Variants in CA10 observed in about 807,000 individuals in gnomAD.
CA10 encodes carbonic anhydrase-related protein 10.
A neutral mutation model predicts 44.2 loss-of-function variants in CA10; 14 were observed. The observed-to-expected ratio is 0.32, with a 90% CI of 0.21 to 0.50. The LOEUF (loss-of-function observed/expected upper bound fraction) is 0.50, where lower values mean the gene tolerates loss of function less well. Ranked by LOEUF, CA10 falls within the 20% of genes least tolerant of loss-of-function variation. The pLI, the probability that CA10 is intolerant of heterozygous loss-of-function variation, is 0.99. For missense variants in CA10, 350 were observed against 409.7 expected, an observed-to-expected ratio of 0.85 and a Z score of 1.26; for synonymous variants, 159 against 141.6, an observed-to-expected ratio of 1.12 and a Z score of -0.87.
chr17:51,931,013 G>T lies in CA10; in HGVS notation c.256C>A (p.Arg86Ser). The T allele has an allele frequency of 1.9e-6, 3 of 1,613,324 alleles. No homozygotes were observed. Among genetic ancestry groups the T allele is most frequent in the Non-Finnish European group, 1.7e-6 (2 of 1,179,510 alleles). ...MIFDPFLTPL[R>S]INTGGRKVSG... ...ACCTTCCTGCCCCCCGTGTTGATGC[G>T]AAGAGGTGTCAGAAAGGGGTCGAAG... Residue 86 changes from arginine to serine, a missense_variant, in exon 3 of 9, where the codon CGC (arginine) becomes AGC (serine). Physicochemically the swap from Arg to Ser is moderately radical, Grantham distance 110. Transcript: ENST00000451037.
At chr17:51,936,696 A>T (rs907206428) in intron 2 of CA10, among the ~76,000 whole-genome samples, 5 of 120,732 alleles carry the variant, frequency 4.1e-5, no homozygotes, top group African/African-American at 1.3e-4. Flanking sequence ...CTCCAAGTTA[A>T]TAGAAAGCCA....
At chr17:52,081,714 G>A (rs1308844118) in intron 1 of CA10, among the ~76,000 whole-genome samples, 5 of 151,160 alleles carry the variant, frequency 3.3e-5, no homozygotes, top group African/African-American at 1.2e-4. Flanking sequence ...GCAGGAGAAT[G>A]GCGTTAACCT....
At chr17:51,644,221 G>A (rs1040133203) in intron 6 of CA10, among the ~76,000 whole-genome samples, 6 of 151,618 alleles carry the variant, frequency 4.0e-5, no homozygotes, top group Non-Finnish European at 5.9e-5. Context: ...CCTACAAACC[G>A]GGCAAATGGA....
chr17:52,115,259 C>A (rs1988868061), intron 1 of CA10, among the ~76,000 whole-genome samples: 1 of 152,150 alleles, frequency 6.6e-6, no homozygotes, highest in South Asian at 2.1e-4. Flanking sequence ...CTTTCCTCAC[C>A]CTTCAATGTG....
chr17:51,795,130 A>G (rs1906657924), intron 3 of CA10, among the ~76,000 whole-genome samples: 1 of 152,208 alleles, frequency 6.6e-6, no homozygotes, highest in Non-Finnish European at 1.5e-5. Flanking sequence ...AAATGTGTGT[A>G]AAGTACCCGG....
In CA10 at chr17:51,946,599, C is replaced by G. The variant is rs1482101874; in HGVS notation, c.137-15467G>C. Among the ~76,000 whole-genome samples, 12 of 152,218 alleles carry G rather than the reference C, an allele frequency of 7.9e-5. No homozygotes were observed. In the South Asian group the frequency reaches 2.5e-3, roughly 32 times the overall value. Reference sequence around the variant, plus strand: ...TGGTGCTTTCCTTTCTCCATCACACCATGTCCCTCACCTGGCATGCCTACT... The same window carrying G: ...TGGTGCTTTCCTTTCTCCATCACACGATGTCCCTCACCTGGCATGCCTACT... On this transcript the variant is annotated intron_variant, in intron 2 of 8. Coordinates refer to ENST00000451037, the MANE Select transcript of CA10 (RefSeq NM_020178.5).
At chr17:51,749,021 G>A (rs1018054436) in intron 3 of CA10, among the ~76,000 whole-genome samples, 3 of 152,176 alleles carry the variant, frequency 2.0e-5, no homozygotes, top group African/African-American at 7.2e-5. Context: ...GTCATGACAA[G>A]TGTCACTTCC....
intron 1 of CA10, among the ~76,000 whole-genome samples, chr17:52,072,848 T>C (rs1391368589): frequency 6.6e-6 from 1 of 152,098 alleles, no homozygotes; most frequent in African/African-American, 2.4e-5. Flanking sequence ...CTGAAAGGTA[T>C]ACCCAGCCAG....
intron 3 of CA10, among the ~76,000 whole-genome samples, chr17:51,927,289 C>G (rs1343663825): frequency 6.6e-6 from 1 of 152,064 alleles, no homozygotes; most frequent in East Asian, 1.9e-4. Flanking sequence ...ACTGAGGTGT[C>G]TATTTTATTA....
chr17:52,016,714 A>G (rs1033415517), intron 2 of CA10, among the ~76,000 whole-genome samples: 34 of 152,204 alleles, frequency 2.2e-4, no homozygotes, highest in Non-Finnish European at 1.3e-4. Context: ...GAGGTTCAAG[A>G]CTAGCCTGGC....
chr17:51,802,514 G>A (rs952660848), intron 3 of CA10, among the ~76,000 whole-genome samples: 2 of 140,554 alleles, frequency 1.4e-5, no homozygotes, highest in South Asian at 2.4e-4. Context: ...CCTTCAGACC[G>A]AGTCTAATGT....
intron 4 of CA10, among the ~76,000 whole-genome samples, chr17:51,692,430 A>AT (rs1567805367): frequency 2.4e-3 from 161 of 68,346 alleles, no homozygotes; most frequent in East Asian, 7.4e-3. Context: ...TATCTATTTT[A>AT]CCATTTACCA....
intron 3 of CA10, among the ~76,000 whole-genome samples, chr17:51,799,248 C>T (rs556398657): frequency 2.0e-5 from 3 of 152,278 alleles, no homozygotes; most frequent in Admixed American, 6.5e-5. Flanking sequence ...CTTAACAATG[C>T]TGCAAAATAA....
chr17:52,151,268 T>C (rs2143412253), intron 1 of CA10, among the ~76,000 whole-genome samples: 1 of 151,888 alleles, frequency 6.6e-6, no homozygotes, highest in East Asian at 1.9e-4. Flanking sequence ...ACCTATCCAC[T>C]CCATATGCCC....
chr17:51,962,217 A>C (rs1983918712), intron 2 of CA10, among the ~76,000 whole-genome samples: 1 of 152,238 alleles, frequency 6.6e-6, no homozygotes, highest in Admixed American at 6.5e-5. Flanking sequence ...TCTGGAGCAC[A>C]CACTTTCCTG....
At chr17:51,740,802 G>A (rs1385883006) in intron 4 of CA10, among the ~76,000 whole-genome samples, 2 of 152,088 alleles carry the variant, frequency 1.3e-5, no homozygotes, top group Non-Finnish European at 2.9e-5. Context: ...TCCTTCCCCA[G>A]ACATCTCCCT....
chr17:51,660,638 G>A lies in CA10; in HGVS notation c.466-6902C>T, dbSNP rs557187958. ...CAGACCTTAGATCACCTTTCTCAGC[G>A]TGATGCTCCATTAGCAGAAGCCCTT... is the stretch of plus-strand genomic sequence containing the variant. On this transcript the variant is annotated intron_variant, in intron 4 of 8. Transcript: ENST00000451037. Among the ~76,000 whole-genome samples, 76 of 152,310 alleles carry A rather than the reference G, an allele frequency of 5.0e-4. 1 individual carries two copies. The South Asian group carries it at 9.9e-3, about 20-fold the overall frequency.
At chr17:52,023,805 G>A (rs1986217991) in intron 2 of CA10, among the ~76,000 whole-genome samples, 1 of 151,898 alleles carries the variant, frequency 6.6e-6, no homozygotes, top group Non-Finnish European at 1.5e-5. Flanking sequence ...TTAAAAAGTG[G>A]GCAACAGACA....
chr17:51,885,462 T>G (rs1331711583), intron 3 of CA10, among the ~76,000 whole-genome samples: 1 of 151,828 alleles, frequency 6.6e-6, no homozygotes, highest in Non-Finnish European at 1.5e-5. Flanking sequence ...TTATTTGCTC[T>G]TTCTCTCCCC....
Sources: gnomAD v4.1 joint callset for allele counts (sites outside exome capture counted in the v4.1 genomes callset) on GRCh38, gnomAD v4.1.1 for gene constraint, MANE v1.5 for transcripts, NCBI Gene and HGNC (gene_info 2026-07-23, HGNC 2026-07-21) for gene names.